The following RASGRP3 variants were observed in gnomAD, a reference collection of about 807,000 sequenced individuals.
RASGRP3 encodes the protein ras guanyl-releasing protein 3.
RASGRP3 carries 54 observed loss-of-function variants against 82.7 expected under a neutral mutation model. The observed-to-expected ratio is 0.65, with a 90% CI of 0.52 to 0.82. The LOEUF (loss-of-function observed/expected upper bound fraction) is 0.82, where lower values mean the gene tolerates loss of function less well. Among genes scored for constraint, RASGRP3 ranks in the 40% least tolerant of loss-of-function variants. The pLI is 0.00. For synonymous variants in RASGRP3, 309 were observed against 300.5 expected (o/e 1.03, Z -0.29); for missense variants, 861 against 828.9 (o/e 1.04, Z -0.48).
Position 33,556,231 on chromosome 2 carries a change from C to CTTTTTTTTTTTTTTTT in RASGRP3, c.1579+676_1579+691dup, listed in dbSNP as rs573022728. On this transcript the variant is annotated intron_variant, in intron 15 of 17. Transcript: ENST00000403687. ...CAGTTTATATGGTTCTTCTAATAAT[C>CTTTTTTTTTTTTTTTT]TTTTTTTTTTTTTTTTTTTTTTTTT... Among the ~76,000 whole-genome samples the CTTTTTTTTTTTTTTTT allele has an allele frequency of 6.3e-4, 36 of 57,494 alleles. 1 individual carries two copies. The highest frequency in any genetic ancestry group is 1.1e-3 in the Admixed American group (5 of 4,434). 37.7% of individuals were successfully genotyped at this position (57,494 alleles called of 152,430 possible). A position where few individuals can be genotyped will look rare whatever the true frequency, so the allele number is the denominator to read the frequency against.
At chr2:33,442,277 T>C (rs965905264) in intron 1 of RASGRP3, among the ~76,000 whole-genome samples, 1 of 152,178 alleles carries the variant, frequency 6.6e-6, no homozygotes, top group Non-Finnish European at 1.5e-5. Flanking sequence ...GCCAGGAGAA[T>C]TGCTTGAACC....
chr2:33,470,519 A>T (rs534427755), intron 2 of RASGRP3, among the ~76,000 whole-genome samples: 362 of 151,870 alleles, frequency 2.4e-3, no homozygotes, highest in Non-Finnish European at 4.6e-3. Context: ...AGCTGGGACT[A>T]CAGGCGCCCG....
In RASGRP3 at chr2:33,563,340, A is replaced by G. The variant is rs1298886666; in HGVS notation, c.*603A>G. ...CTTCTAATGATGGTCAACTGCAAGGAGAAACTGTTTACATCCTTCCCACTA... is the reference window on the plus strand; with the variant it reads ...CTTCTAATGATGGTCAACTGCAAGGGGAAACTGTTTACATCCTTCCCACTA... On this transcript the variant is annotated 3_prime_UTR_variant, in exon 18 of 18. Coordinates refer to ENST00000403687, the MANE Select transcript of RASGRP3 (RefSeq NM_001139488.2). The G allele has an allele frequency of 6.5e-6, 1 of 152,672 alleles. No individual in the cohort carries two copies. The highest frequency in any genetic ancestry group is 2.4e-5 in the African/African-American group (1 of 41,440). 9.5% of individuals were successfully genotyped at this position (152,672 alleles called of 1,614,324 possible). A position where few individuals can be genotyped will look rare whatever the true frequency, so the allele number is the denominator to read the frequency against.
chr2:33,554,044 G>C (rs980447186), intron 14 of RASGRP3, among the ~76,000 whole-genome samples: 1 of 152,038 alleles, frequency 6.6e-6, no homozygotes, highest in African/African-American at 2.4e-5. Context: ...GCTGACATTT[G>C]CATTTTAATA....
chr2:33,545,912 C>T (rs1449224825), intron 13 of RASGRP3, among the ~76,000 whole-genome samples: 1 of 152,130 alleles, frequency 6.6e-6, no homozygotes, highest in Non-Finnish European at 1.5e-5. Context: ...TCAAGTGATT[C>T]TCATGCCTGA....
intron 12 of RASGRP3, among the ~76,000 whole-genome samples, chr2:33,542,980 AC>A (rs1674412088): frequency 6.6e-6 from 1 of 152,102 alleles, no homozygotes; most frequent in African/African-American, 2.4e-5. Flanking sequence ...GGCATGAGCC[AC>A]CGCGCCCAGC....
chr2:33,469,673 C>T (rs1463724829), intron 2 of RASGRP3, among the ~76,000 whole-genome samples: 1 of 152,060 alleles, frequency 6.6e-6, no homozygotes, highest in Admixed American at 6.6e-5. Context: ...GTTGCCCAGG[C>T]TGGTCTCAAA....
intron 2 of RASGRP3, among the ~76,000 whole-genome samples, chr2:33,457,495 C>T (rs902011941): frequency 6.6e-6 from 1 of 152,114 alleles, no homozygotes; most frequent in South Asian, 2.1e-4. Context: ...TTCATGGCTA[C>T]ATGATGTATA....
chr2:33,508,694 G>C (rs1431243679), intron 1 of RASGRP3, among the ~76,000 whole-genome samples: 1 of 152,208 alleles, frequency 6.6e-6, no homozygotes, highest in Non-Finnish European at 1.5e-5. Context: ...ATTGTGAAAA[G>C]AGAAGAAAGG....
chr2:33,544,958 C>T (rs989032816), intron 13 of RASGRP3, among the ~76,000 whole-genome samples: 1 of 151,964 alleles, frequency 6.6e-6, no homozygotes, highest in Non-Finnish European at 1.5e-5. Context: ...ACAAAGAATA[C>T]TTTTAAAATA....
intron 17 of RASGRP3, among the ~76,000 whole-genome samples, chr2:33,562,317 G>T (rs1676761556): frequency 6.6e-6 from 1 of 150,416 alleles, no homozygotes; most frequent in South Asian, 2.1e-4. Context: ...CCCCTGGCAG[G>T]ACTGCAGTGG....
intron 1 of RASGRP3, among the ~76,000 whole-genome samples, chr2:33,498,155 C>A (rs977922910): frequency 1.3e-5 from 2 of 152,080 alleles, no homozygotes; most frequent in Non-Finnish European, 2.9e-5. Flanking sequence ...TGGTCCCTTA[C>A]CAAGAAAATA....
In RASGRP3 at chr2:33,548,920, C is replaced by T. The variant is rs187596858; in HGVS notation, c.1395-684C>T. Reference sequence around the variant, plus strand: ...GTCAGGCTGGTCTTGAACTCCTGACCTCAAGTGATCCGCCCACCTTGGCCT... The same window carrying T: ...GTCAGGCTGGTCTTGAACTCCTGACTTCAAGTGATCCGCCCACCTTGGCCT... On this transcript the variant is annotated intron_variant, in intron 13 of 17. Transcript: ENST00000403687. Among the ~76,000 whole-genome samples, 346 of 152,190 alleles carry T rather than the reference C, an allele frequency of 2.3e-3. 1 individual carries two copies. Among genetic ancestry groups the T allele is most frequent in the African/African-American group, 8.1e-3 (338 of 41,510 alleles).
At chr2:33,445,307 A>G (rs1486738774) in intron 1 of RASGRP3, among the ~76,000 whole-genome samples, 1 of 152,234 alleles carries the variant, frequency 6.6e-6, no homozygotes, top group Non-Finnish European at 1.5e-5. Flanking sequence ...AATCCTGGCA[A>G]TGAGTTGCAG....
chr2:33,560,164 A>G (rs1011510339), intron 17 of RASGRP3, among the ~76,000 whole-genome samples: 1 of 152,212 alleles, frequency 6.6e-6, no homozygotes, highest in Admixed American at 6.5e-5. Flanking sequence ...AACCATCACT[A>G]CAATCTAATT....
intron 2 of RASGRP3, among the ~76,000 whole-genome samples, chr2:33,452,478 G>A (rs1396472829): frequency 1.3e-5 from 2 of 152,194 alleles, no homozygotes; most frequent in South Asian, 2.1e-4. Context: ...GAGTCAGCAG[G>A]CAGGAAGGCC....
upstream of RASGRP3, among the ~76,000 whole-genome samples, chr2:33,472,129 TATTC>T (rs1667091230): frequency 2.0e-5 from 3 of 152,340 alleles, no homozygotes; most frequent in African/African-American, 7.2e-5. Flanking sequence ...TCTCTTTAAT[TATTC>T]ATTTATTCAT....
intron 3 of RASGRP3, among the ~76,000 whole-genome samples, chr2:33,516,269 G>T (rs1053784832): frequency 6.6e-6 from 1 of 152,122 alleles, no homozygotes; most frequent in African/African-American, 2.4e-5. Context: ...TTTGCCAGGC[G>T]TGGTGGCAGG....
chr2:33,483,424 A>G (rs765253), intron 1 of RASGRP3, among the ~76,000 whole-genome samples: 31,520 of 151,686 alleles, frequency 0.21, 4,907 homozygotes, highest in African/African-American at 0.44. Flanking sequence ...CTAGTAACAT[A>G]GGGAAAAAAT....
Sources: gnomAD v4.1 joint callset for allele counts (sites outside exome capture counted in the v4.1 genomes callset) on GRCh38, gnomAD v4.1.1 for gene constraint, MANE v1.5 for transcripts, NCBI Gene and HGNC (gene_info 2026-07-23, HGNC 2026-07-21) for gene names.